The following TMEM183A variants were observed in gnomAD, a reference collection of about 807,000 sequenced individuals.
TMEM183A encodes chromosome 1 open reading frame 37.
In TMEM183A, 21 loss-of-function variants were observed where a neutral mutation model predicts 46.7. That is an observed-to-expected ratio of 0.45 (90% CI 0.32 to 0.65). TMEM183A has a LOEUF of 0.65. Ranked by LOEUF, TMEM183A falls within the 30% of genes least tolerant of loss-of-function variation. The probability of loss-of-function intolerance (pLI) is 0.04; values close to 1 mark genes in which losing one functional copy is unlikely to be tolerated. For synonymous variants in TMEM183A, 165 were observed against 180.2 expected (o/e 0.92, Z 0.68); for missense variants, 331 against 481.9 (o/e 0.69, Z 2.93).
chr1:203,007,924 T>G (rs1442455083), intron 2 of TMEM183A, 61 bp downstream of exon 2: 6 of 1,592,558 alleles, frequency 3.8e-6, no homozygotes, highest in Non-Finnish European at 5.1e-6. Flanking sequence ...GTATTTTATT[T>G]CTGTTTTTCT....
At chr1:203,011,122 G>A (rs1381979969) in intron 3 of TMEM183A, among the ~76,000 whole-genome samples, 2 of 152,114 alleles carry the variant, frequency 1.3e-5, no homozygotes, top group Non-Finnish European at 2.9e-5. Flanking sequence ...GGTTTTTTTA[G>A]TTTTGGTTAG....
In TMEM183A at chr1:203,021,280, C is replaced by T. The variant is rs376456346; in HGVS notation, c.945+332C>T. ...CTCCTAGCCTCAAGCAGTTCTTCCA[C>T]GTCGGCCTCTCAAGTGCTGAGATTA... On this transcript the variant is annotated intron_variant, in intron 7 of 7. Coordinates refer to ENST00000367242, the MANE Select transcript of TMEM183A (RefSeq NM_138391.6). Among the ~76,000 whole-genome samples the T allele has an allele frequency of 1.7e-4, 26 of 152,234 alleles. No homozygotes were observed. The East Asian group carries it at 4.6e-3, about 27-fold the overall frequency.
intron 6 of TMEM183A, among the ~76,000 whole-genome samples, chr1:203,020,385 C>G (rs1266743854): frequency 1.3e-5 from 2 of 152,108 alleles, no homozygotes; most frequent in Admixed American, 1.3e-4. Flanking sequence ...AGTTCCGAGA[C>G]TTGTGATTCC....
chr1:203,007,642 C>T (rs1168441753), intron 1 of TMEM183A, 68 bp downstream of exon 1: 10 of 1,527,928 alleles, frequency 6.5e-6, no homozygotes, highest in African/African-American at 2.7e-5. Flanking sequence ...CTGGACCGTG[C>T]CGAGGTGAGC....
chr1:203,019,843 T>C (rs778460096), intron 6 of TMEM183A, among the ~76,000 whole-genome samples: 10 of 152,208 alleles, frequency 6.6e-5, no homozygotes, highest in Non-Finnish European at 1.0e-4. Flanking sequence ...ACAGTATTAC[T>C]CAAAGGACAC....
At position 203,023,909 on chromosome 1, in the gene TMEM183A, A is replaced by AT. The variant is rs541341636; in HGVS notation, c.*870dup. On this transcript the variant is annotated 3_prime_UTR_variant, in exon 8 of 8. Transcript: ENST00000367242. ...AAAGGAGTAGGCAGAGTGTACATAG[A>AT]TAAAAAAAAGTAAAAGGGTAAGTAA... The AT allele has an allele frequency of 1.2e-3, 179 of 152,306 alleles. No homozygotes were observed. The highest frequency in any genetic ancestry group is 4.1e-3 in the African/African-American group (171 of 41,554). 9.4% of individuals were successfully genotyped at this position (152,306 alleles called of 1,614,324 possible).
intron 4 of TMEM183A, chr1:203,015,548 G>T: frequency 4.6e-6 from 1 of 219,076 alleles, no homozygotes. Flanking sequence ...GAAGTGTAGT[G>T]ACAATTGTAA....
intron 7 of TMEM183A, among the ~76,000 whole-genome samples, chr1:203,021,157 C>A (rs1657648100): frequency 6.6e-6 from 1 of 151,722 alleles, no homozygotes. Flanking sequence ...TTCAGCCTCC[C>A]AAGTAGTTAG....
rs1571631099 is a variant in TMEM183A, at chr1:203,024,329, G to GGA, written c.*1292_*1293dup. 1 of 152,140 alleles carries GGA rather than the reference G, an allele frequency of 6.6e-6. No homozygotes were observed. Among genetic ancestry groups the GGA allele is most frequent in the Non-Finnish European group, 1.5e-5 (1 of 68,024 alleles). 9.4% of individuals were successfully genotyped at this position (152,140 alleles called of 1,614,324 possible). On this transcript the variant is annotated 3_prime_UTR_variant, in exon 8 of 8. Transcript: ENST00000367242. ...GAATCACGTTTTTCTGTTTTGCTAA[G>GGA]GAGAAAACCTTGCTGCTTGTCTCTC...
At position 203,024,163 on chromosome 1, in the gene TMEM183A, C is replaced by CA. The variant is rs1657972092; in HGVS notation, c.*1123_*1124insA. ...AGCCTCTTGAACCATAAGCACTTAG[C>CA]GACTTTGCTCTGCCCTGTACTGTGC... On this transcript the variant is annotated 3_prime_UTR_variant, in exon 8 of 8. Coordinates refer to ENST00000367242, the MANE Select transcript of TMEM183A (RefSeq NM_138391.6). 6.6e-6 allele frequency: 1 copy of CA among 152,212 alleles called. No individual in the cohort carries two copies. Among genetic ancestry groups the CA allele is most frequent in the Non-Finnish European group, 1.5e-5 (1 of 68,044 alleles). The allele number at this position is 152,212 out of a possible 1,614,324, so 9.4% of individuals were successfully genotyped here. A position where few individuals can be genotyped will look rare whatever the true frequency, so the allele number is the denominator to read the frequency against.
At chr1:203,008,025 C>T (rs994464800) in intron 2 of TMEM183A, among the ~76,000 whole-genome samples, 162 bp downstream of exon 2, 3 of 152,210 alleles carry the variant, frequency 2.0e-5, no homozygotes, top group African/African-American at 7.2e-5. Context: ...TCAAGAGTAG[C>T]AGTTTCTGTA....
intron 3 of TMEM183A, among the ~76,000 whole-genome samples, chr1:203,014,209 T>C (rs533170306): frequency 7.9e-5 from 12 of 152,394 alleles, no homozygotes; most frequent in African/African-American, 9.6e-5. Context: ...GGCAAGGTTT[T>C]GTTTTCTTAT....
At chr1:203,022,322 C>T (rs1657777589) in intron 7 of TMEM183A, among the ~76,000 whole-genome samples, 3 of 152,050 alleles carry the variant, frequency 2.0e-5, no homozygotes, top group Admixed American at 2.0e-4. Context: ...CCTTAGCCTC[C>T]CAAAGTGCTC....
chr1:203,022,996 T>G lies in TMEM183A; in HGVS notation c.1087T>G (p.Phe363Val). ...GGACCCAGTGCACAGCGTTCGGCTC[T>G]TTGACTGGTGGCATCCTCAGTACCC... Reference protein sequence around the residue: ...ILDPVHSVRLFDWWHPQYPFS... With the variant: ...ILDPVHSVRLVDWWHPQYPFS... The change falls in exon 8 of 8, where the codon TTT becomes GTT. Residue 363 changes from phenylalanine (F) to valine (V), a missense_variant. Physicochemically the swap from Phe to Val is conservative, Grantham distance 50. Around this residue, in one of 2 missense-constraint regions of TMEM183A, gnomAD observed 233 missense variants for 385.8 expected, o/e 0.60. Transcript: ENST00000367242. 6.3e-7 allele frequency: 1 copy of G among 1,594,604 alleles called. No individual in the cohort carries two copies. The highest frequency in any genetic ancestry group is 1.1e-5 in the South Asian group (1 of 90,044).
intron 4 of TMEM183A, 90 bp from the exon 5 acceptor site, chr1:203,015,870 A>G: frequency 2.0e-6 from 3 of 1,504,774 alleles, no homozygotes; most frequent in Non-Finnish European, 2.7e-6. Flanking sequence ...AGTGCAGTAA[A>G]GTTCATACAG....
chr1:203,015,393 C>T (rs1657075807), intron 4 of TMEM183A: 1 of 309,836 alleles, frequency 3.2e-6, no homozygotes, highest in Admixed American at 4.7e-5. Context: ...ATCTTTCCAG[C>T]TGGATTAGGT....
chr1:203,014,858 A>C (rs766257917), intron 3 of TMEM183A, 31 bp from the exon 4 acceptor site: 4 of 1,610,044 alleles, frequency 2.5e-6, no homozygotes, highest in Non-Finnish European at 1.7e-6. Flanking sequence ...ATGGTGTAGA[A>C]GATCAGAGAT....
At chr1:203,018,878 C>T (rs782785) in intron 6 of TMEM183A, among the ~76,000 whole-genome samples, 73,866 of 151,934 alleles carry the variant, frequency 0.49, 18,252 homozygotes, top group Middle Eastern at 0.56. Flanking sequence ...GTGTGAAGAC[C>T]CTCTTATAAA....
chr1:203,007,434 C>A lies in TMEM183A; in HGVS notation c.-32C>A, dbSNP rs539267539. 9.3e-6 allele frequency: 13 copies of A among 1,396,046 alleles called. No homozygotes were observed. The African/African-American group carries it at 1.2e-4, about 13-fold the overall frequency. The allele number at this position is 1,396,046 out of a possible 1,614,324, so 86.5% of individuals were successfully genotyped here. On this transcript the variant is annotated 5_prime_UTR_variant, in exon 1 of 8. Transcript: ENST00000367242. ...CGCGGAGCCGGGCGGAGCTGGCTTG[C>A]GGCTCCCGGGGCCGGCTCTCCGGCC...
Sources: allele counts gnomAD v4.1 joint callset (sites outside exome capture counted in the v4.1 genomes callset), GRCh38; gene constraint gnomAD v4.1.1; regional missense constraint gnomAD v4.1.1; transcripts MANE v1.5; gene names NCBI Gene and HGNC (gene_info 2026-07-23, HGNC 2026-07-21).